Variants in SPATA9 observed in about 807,000 individuals in gnomAD.
SPATA9 encodes spermatogenesis associated 9.
In SPATA9, 27 loss-of-function variants were observed where a neutral mutation model predicts 25.5. The observed-to-expected ratio is 1.06, with a 90% confidence interval of 0.78 to 1.46. SPATA9 has a LOEUF of 1.46. SPATA9 is among the 40% of genes most tolerant of loss of function. SPATA9 has a pLI of 0.00. For missense variants in SPATA9, 282 were observed against 297.5 expected (o/e 0.95, Z 0.38); for synonymous variants, 102 against 105.7 (o/e 0.97, Z 0.21).
intron 1 of SPATA9, among the ~76,000 whole-genome samples, chr5:95,692,732 C>A (rs1413919833): frequency 1.3e-5 from 2 of 151,950 alleles, no homozygotes; most frequent in Non-Finnish European, 2.9e-5. Context: ...TATAACTTCC[C>A]AGTAATTAAG....
chr5:95,692,598 T>C (rs1242616102), intron 1 of SPATA9, among the ~76,000 whole-genome samples: 1 of 152,100 alleles, frequency 6.6e-6, no homozygotes, highest in East Asian at 1.9e-4. Context: ...TTAGTTTTTC[T>C]TCTTTAATAA....
chr5:95,675,751 A>ACAATG, intron 2 of SPATA9, 112 bp from the exon 3 acceptor site: 1 of 788,694 alleles, frequency 1.3e-6, no homozygotes, highest in Non-Finnish European at 2.0e-6. Context: ...GGTGTCATGC[A>ACAATG]TATATTCAAC....
chr5:95,689,427 C>A (rs988258577), intron 1 of SPATA9, among the ~76,000 whole-genome samples: 10 of 152,064 alleles, frequency 6.6e-5, no homozygotes, highest in African/African-American at 2.2e-4. Context: ...TTTCAAAATA[C>A]TTATTTTTAA....
At chr5:95,670,080 G>A (rs1004286370) in intron 3 of SPATA9, among the ~76,000 whole-genome samples, 2 of 152,140 alleles carry the variant, frequency 1.3e-5, no homozygotes, top group Non-Finnish European at 2.9e-5. Flanking sequence ...GGCCATTCCT[G>A]CCGGTTGGGT....
the SPATA9 span, among the ~76,000 whole-genome samples, chr5:95,720,668 C>G: frequency 6.6e-6 from 1 of 151,802 alleles, no homozygotes; most frequent in Non-Finnish European, 1.5e-5. Flanking sequence ...TTACATTATA[C>G]GTCACTGCTT....
the SPATA9 span, chr5:95,731,614 CG>C: frequency 6.2e-7 from 1 of 1,602,882 alleles, no homozygotes; most frequent in Non-Finnish European, 8.5e-7. Flanking sequence ...ACTCGCCGCC[CG>C]GGGGCCCCGC....
the SPATA9 span, among the ~76,000 whole-genome samples, chr5:95,728,792 A>C: frequency 6.6e-6 from 1 of 152,196 alleles, no homozygotes; most frequent in Non-Finnish European, 1.5e-5. Context: ...TCAGCACAGG[A>C]TACAGGTCAC....
intron 1 of SPATA9, among the ~76,000 whole-genome samples, chr5:95,691,781 T>A (rs1753901905): frequency 6.6e-6 from 1 of 152,192 alleles, no homozygotes; most frequent in Non-Finnish European, 1.5e-5. Flanking sequence ...CTGTTTTCAA[T>A]TAAAATGGCT....
chr5:95,659,757 C>T (rs1751087251), intron 4 of SPATA9: 1 of 152,236 alleles, frequency 6.6e-6, no homozygotes, highest in Non-Finnish European at 1.5e-5. Flanking sequence ...CTGCCTCCTT[C>T]TTGCCTGCCT....
chr5:95,656,539 G>T (rs551511659), downstream of SPATA9: 24 of 410,194 alleles, frequency 5.9e-5, no homozygotes, highest in Non-Finnish European at 9.9e-5. Flanking sequence ...AAACCTGAAG[G>T]TTATAGGTTT....
chr5:95,680,381 A>T (rs1477499268), intron 2 of SPATA9, among the ~76,000 whole-genome samples: 2 of 152,178 alleles, frequency 1.3e-5, no homozygotes, highest in African/African-American at 2.4e-5. Flanking sequence ...AATTTTTTCC[A>T]CTTAGTGTTG....
upstream of SPATA9, among the ~76,000 whole-genome samples, chr5:95,702,308 C>T (rs1384532098): frequency 6.6e-6 from 1 of 152,090 alleles, no homozygotes; most frequent in Admixed American, 6.6e-5. Flanking sequence ...GTAGTTTGTC[C>T]TCATATTTAA....
chr5:95,709,087 C>T, the SPATA9 span, among the ~76,000 whole-genome samples: 11 of 152,006 alleles, frequency 7.2e-5, no homozygotes, highest in African/African-American at 1.5e-4. Context: ...GTGAGGATGA[C>T]GGTGTGAGGT....
chr5:95,668,436 G>C (rs1752037133), intron 3 of SPATA9, among the ~76,000 whole-genome samples: 1 of 152,096 alleles, frequency 6.6e-6, no homozygotes, highest in Non-Finnish European at 1.5e-5. Context: ...TAAAAAACAT[G>C]TTTTTCATAT....
intron 4 of SPATA9, among the ~76,000 whole-genome samples, chr5:95,660,735 T>C (rs1406344101): frequency 6.6e-6 from 1 of 152,190 alleles, no homozygotes; most frequent in Non-Finnish European, 1.5e-5. Context: ...ACCACCTTTT[T>C]CCCAGTCTCA....
chr5:95,712,872 C>T, the SPATA9 span, among the ~76,000 whole-genome samples: 1 of 151,810 alleles, frequency 6.6e-6, no homozygotes, highest in Non-Finnish European at 1.5e-5. Context: ...ACAGGGAATG[C>T]CTTTTCCATG....
chr5:95,700,108 G>T (rs1158666977), upstream of SPATA9, among the ~76,000 whole-genome samples: 1 of 151,910 alleles, frequency 6.6e-6, no homozygotes, highest in African/African-American at 2.4e-5. Context: ...GATCAAAGGG[G>T]TGAAAGCTAA....
At chr5:95,670,762 C>T in intron 3 of SPATA9, 1 of 786,992 alleles carries the variant, frequency 1.3e-6, no homozygotes, top group Non-Finnish European at 1.5e-6. Context: ...CACTCTGGTA[C>T]CATGGATGCA....
chr5:95,729,474 AT>A, the SPATA9 span, among the ~76,000 whole-genome samples: 1 of 152,158 alleles, frequency 6.6e-6, no homozygotes, highest in East Asian at 1.9e-4. Flanking sequence ...ATATTTTTAT[AT>A]TGTCATAAAA....
Sources: gnomAD v4.1 joint callset for allele counts (sites outside exome capture counted in the v4.1 genomes callset) on GRCh38, gnomAD v4.1.1 for gene constraint, MANE v1.5 for transcripts, NCBI Gene and HGNC (gene_info 2026-07-23, HGNC 2026-07-21) for gene names.